The following FAM171A1 variants were observed in gnomAD, a reference collection of about 807,000 sequenced individuals.
The protein encoded by FAM171A1 is family with sequence similarity 171 member A1, also known as protein FAM171A1.
A neutral mutation model predicts 74.9 loss-of-function variants in FAM171A1; 23 were observed. The observed-to-expected ratio is 0.31, with a 90% CI of 0.22 to 0.44. FAM171A1 has a LOEUF of 0.44. Ranked by LOEUF, FAM171A1 falls within the 20% of genes least tolerant of loss-of-function variation. The probability of loss-of-function intolerance (pLI) is 1.00; values close to 1 mark genes in which losing one functional copy is unlikely to be tolerated. For missense variants in FAM171A1, 1,162 were observed against 1,159.2 expected, an observed-to-expected ratio of 1.00 and a Z score of -0.03; for synonymous variants, 527 against 505.7, an observed-to-expected ratio of 1.04 and a Z score of -0.57.
At chr10:15,225,839 G>A (rs1454189545) in intron 5 of FAM171A1, among the ~76,000 whole-genome samples, 1 of 152,160 alleles carries the variant, frequency 6.6e-6, no homozygotes, top group African/African-American at 2.4e-5. Context: ...CGGCCCACCT[G>A]CCCCTAAGCA....
intron 4 of FAM171A1, among the ~76,000 whole-genome samples, chr10:15,250,411 C>G (rs976541331): frequency 1.3e-5 from 2 of 152,186 alleles, no homozygotes; most frequent in African/African-American, 4.8e-5. Flanking sequence ...AAAGCCAGGT[C>G]TACAATCTAC....
chr10:15,336,547 T>C (rs906906227), intron 1 of FAM171A1, among the ~76,000 whole-genome samples: 1 of 152,166 alleles, frequency 6.6e-6, no homozygotes, highest in Non-Finnish European at 1.5e-5. Context: ...ACTTTTCTAT[T>C]TCATATTAAT....
chr10:15,285,475 G>A (rs1835024483), intron 1 of FAM171A1, among the ~76,000 whole-genome samples: 3 of 152,182 alleles, frequency 2.0e-5, no homozygotes, highest in Admixed American at 2.0e-4. Flanking sequence ...TGGAGAATAA[G>A]CATTCAATTA....
chr10:15,276,222 C>T (rs1432496184), intron 2 of FAM171A1, among the ~76,000 whole-genome samples: 2 of 151,850 alleles, frequency 1.3e-5, no homozygotes, highest in Non-Finnish European at 2.9e-5. Context: ...TCGCTTGTCA[C>T]CAGGCTGGAA....
chr10:15,237,272 T>A lies in FAM171A1; in HGVS notation c.754+11367A>T, dbSNP rs151298338. Among the ~76,000 whole-genome samples, 222 of 152,236 alleles carry A rather than the reference T, an allele frequency of 1.5e-3. 1 individual carries two copies. Among genetic ancestry groups the A allele is most frequent in the African/African-American group, 5.0e-3 (207 of 41,536 alleles). On this transcript the variant is annotated intron_variant, in intron 5 of 7. Transcript: ENST00000378116. ...TCTAGTTCTACATAAAATGATACGT[T>A]AAGAGACCTAAGTCCCTAAGAATGG...
chr10:15,273,482 A>G (rs1722255630), intron 3 of FAM171A1, among the ~76,000 whole-genome samples: 1 of 152,204 alleles, frequency 6.6e-6, no homozygotes, highest in Admixed American at 6.6e-5. Flanking sequence ...AGCTGGTACC[A>G]TTCCTTGTAA....
chr10:15,274,236 C>T (rs1458714465), intron 3 of FAM171A1, among the ~76,000 whole-genome samples: 4 of 152,080 alleles, frequency 2.6e-5, no homozygotes, highest in Non-Finnish European at 5.9e-5. Flanking sequence ...TCCTATACAC[C>T]AATAACAGAC....
chr10:15,291,690 C>A (rs1035337489), intron 1 of FAM171A1, among the ~76,000 whole-genome samples: 2 of 152,156 alleles, frequency 1.3e-5, no homozygotes, highest in South Asian at 4.1e-4. Flanking sequence ...CCTGTTTGAT[C>A]TCTTCCCACC....
chr10:15,234,667 T>G (rs1345808945), intron 5 of FAM171A1, among the ~76,000 whole-genome samples: 1 of 151,738 alleles, frequency 6.6e-6, no homozygotes, highest in Non-Finnish European at 1.5e-5. Context: ...CTTTTTTTTT[T>G]TTTGAGACGG....
chr10:15,346,415 G>T (rs1357004713), intron 1 of FAM171A1, among the ~76,000 whole-genome samples: 2 of 152,162 alleles, frequency 1.3e-5, no homozygotes, highest in Non-Finnish European at 2.9e-5. Context: ...TGTTCTTATG[G>T]TGGGAAGAGG....
chr10:15,354,440 G>A lies in FAM171A1; in HGVS notation c.97+16516C>T, dbSNP rs1056073736. Among the ~76,000 whole-genome samples the A allele has an allele frequency of 2.0e-4, 30 of 151,624 alleles. No individual in the cohort carries two copies. In the South Asian group the frequency reaches 4.0e-3, roughly 20 times the overall value. ...GAACCCGGGAAGCAGAGGTTGCAGC[G>A]CACCGAGATCACGCCACTACACTCC... On this transcript the variant is annotated intron_variant, in intron 1 of 7. Transcript: ENST00000378116.
At chr10:15,321,052 C>T (rs1835480720) in intron 1 of FAM171A1, among the ~76,000 whole-genome samples, 1 of 152,154 alleles carries the variant, frequency 6.6e-6, no homozygotes, top group Admixed American at 6.5e-5. Flanking sequence ...GCTTATTTGA[C>T]ATCTGGTCAT....
intron 1 of FAM171A1, among the ~76,000 whole-genome samples, chr10:15,370,565 C>G (rs1246577971): frequency 6.6e-6 from 1 of 151,986 alleles, no homozygotes; most frequent in East Asian, 1.9e-4. Context: ...GGAGCGCGAT[C>G]GGGCGGCGCG....
At chr10:15,300,662 C>T (rs34785392) in intron 1 of FAM171A1, among the ~76,000 whole-genome samples, 3 of 140,794 alleles carry the variant, frequency 2.1e-5, no homozygotes, top group Admixed American at 7.6e-5. Context: ...TTCAGAGTGC[C>T]GGGCTTTGGA....
chr10:15,269,543 T>C (rs1266854914), intron 3 of FAM171A1, among the ~76,000 whole-genome samples: 2 of 152,114 alleles, frequency 1.3e-5, no homozygotes, highest in Non-Finnish European at 2.9e-5. Flanking sequence ...AGCTTTTCTG[T>C]GAGAGCAGGA....
chr10:15,365,065 G>A (rs1396009294), intron 1 of FAM171A1, among the ~76,000 whole-genome samples: 2 of 152,140 alleles, frequency 1.3e-5, no homozygotes, highest in Non-Finnish European at 2.9e-5. Context: ...CTACCACAAC[G>A]TCTGCATGGC....
In FAM171A1 at chr10:15,214,323, G is replaced by T. The variant is rs1025529695; in HGVS notation, c.1265C>A (p.Ser422Tyr). Residue 422 changes from serine to tyrosine, a missense_variant, in exon 8 of 8, where the codon TCC becomes TAC. Physicochemically the swap from Ser to Tyr is moderately radical, Grantham distance 144 (BLOSUM62 -2). Coordinates refer to ENST00000378116, the MANE Select transcript of FAM171A1 (RefSeq NM_001010924.2). Reference sequence around the variant, plus strand: ...CTCCTCCCGGGAGCTAAATTCCTGGGAGGTGCTGTAGGAGAGCTTGAGCAT... The same window carrying T: ...CTCCTCCCGGGAGCTAAATTCCTGGTAGGTGCTGTAGGAGAGCTTGAGCAT... ...TPMLKLSYSTSQEFSSREELL... is the reference protein window; with the variant it reads ...TPMLKLSYSTYQEFSSREELL... 5.6e-6 allele frequency: 9 copies of T among 1,612,944 alleles called. No homozygotes were observed. The highest frequency in any genetic ancestry group is 6.8e-6 in the Non-Finnish European group (8 of 1,179,566).
chr10:15,373,610 A>C (rs1253960976), upstream of FAM171A1, among the ~76,000 whole-genome samples: 1 of 152,216 alleles, frequency 6.6e-6, no homozygotes, highest in Non-Finnish European at 1.5e-5. Context: ...CCTGGCATTG[A>C]CAGTGTACTA....
intron 1 of FAM171A1, among the ~76,000 whole-genome samples, chr10:15,299,883 C>A (rs1262498507): frequency 6.6e-6 from 1 of 151,964 alleles, no homozygotes; most frequent in South Asian, 2.1e-4. Context: ...GAGGCTGAGG[C>A]AGGAGAATGG....
Sources: allele counts gnomAD v4.1 joint callset (sites outside exome capture counted in the v4.1 genomes callset), GRCh38; gene constraint gnomAD v4.1.1; transcripts MANE v1.5; gene names NCBI Gene and HGNC (gene_info 2026-07-23, HGNC 2026-07-21).